The following FBXW4 variants were observed in gnomAD, a reference collection of about 807,000 sequenced individuals.
FBXW4 encodes F-box and WD repeat domain containing 4, also known as F-box/WD repeat-containing protein 4.
A neutral mutation model predicts 61.8 loss-of-function variants in FBXW4; 40 were observed. The ratio of observed to expected loss-of-function variants is 0.65; its 90% CI spans 0.50 to 0.84. The LOEUF (loss-of-function observed/expected upper bound fraction) is 0.84, where lower values mean the gene tolerates loss of function less well. Among genes scored for constraint, FBXW4 ranks in the 40% least tolerant of loss-of-function variants. The pLI is 0.00. For synonymous variants in FBXW4, 311 were observed against 313.8 expected (o/e 0.99, Z 0.10); for missense variants, 672 against 753.8 (o/e 0.89, Z 1.27).
rs536838199 is a variant in FBXW4, at chr10:101,658,331, G to A, written c.1235+9555C>T. Reference sequence around the variant, plus strand: ...GGAGGCCAAGGCAGGTGGATCATAAGGTCAGGAGTTCAAGACCAGCCTGCC... The same window carrying A: ...GGAGGCCAAGGCAGGTGGATCATAAAGTCAGGAGTTCAAGACCAGCCTGCC... On this transcript the variant is annotated intron_variant, in intron 5 of 8. Transcript: ENST00000331272. 5.3e-5 allele frequency among the ~76,000 whole-genome samples: 8 copies of A among 152,288 alleles called. No individual in the cohort carries two copies. In the South Asian group the frequency reaches 1.7e-3, roughly 32 times the overall value.
At chr10:101,636,188 A>G (rs1433777203) in intron 5 of FBXW4, among the ~76,000 whole-genome samples, 3 of 151,974 alleles carry the variant, frequency 2.0e-5, no homozygotes, top group Admixed American at 2.0e-4. Flanking sequence ...CATCTCTGCT[A>G]AAAATACAAA....
Position 101,661,194 on chromosome 10 carries a change from C to T in FBXW4, c.1235+6692G>A, listed in dbSNP as rs79857000. On this transcript the variant is annotated intron_variant, in intron 5 of 8. Transcript: ENST00000331272. ...ACTTGTAGGGTTTCATGTAAGTCGG[C>T]TCTTGACAAGTGGGCCAATCGTGCT... Among the ~76,000 whole-genome samples, 16 of 152,272 alleles carry T rather than the reference C, an allele frequency of 1.1e-4. 1 individual carries two copies. In the East Asian group the frequency reaches 2.9e-3, roughly 28 times the overall value.
At chr10:101,693,106 C>A (rs760234375) in intron 1 of FBXW4, among the ~76,000 whole-genome samples, 2 of 152,118 alleles carry the variant, frequency 1.3e-5, no homozygotes, top group African/African-American at 4.8e-5. Context: ...AAAAGAGATG[C>A]AAAATAACAC....
intron 5 of FBXW4, among the ~76,000 whole-genome samples, chr10:101,635,847 A>C (rs1053488794): frequency 1.3e-5 from 2 of 151,332 alleles, no homozygotes; most frequent in African/African-American, 2.4e-5. Context: ...TCTCAGAAAA[A>C]AAAAAAAAAA....
chr10:101,642,779 C>G (rs2064064827), intron 5 of FBXW4, among the ~76,000 whole-genome samples: 1 of 152,220 alleles, frequency 6.6e-6, no homozygotes, highest in African/African-American at 2.4e-5. Flanking sequence ...TCATGAGCCA[C>G]AGGGGAGCAC....
chr10:101,677,786 TAA>T (rs60895988), intron 1 of FBXW4, among the ~76,000 whole-genome samples: 15 of 127,880 alleles, frequency 1.2e-4, no homozygotes, highest in Admixed American at 2.4e-4. Context: ...ACTCCCTCTC[TAA>T]AAAAAAAAAA....
chr10:101,677,372 A>G (rs942821316), intron 1 of FBXW4, among the ~76,000 whole-genome samples: 2 of 152,192 alleles, frequency 1.3e-5, no homozygotes, highest in Admixed American at 6.5e-5. Context: ...ACACAACATA[A>G]TGTGGATGAA....
intron 2 of FBXW4, among the ~76,000 whole-genome samples, chr10:101,676,126 TA>T (rs918210600): frequency 6.6e-5 from 10 of 152,232 alleles, no homozygotes; most frequent in Admixed American, 6.5e-4. Flanking sequence ...TTTATAATCA[TA>T]AAAAAAGTCA....
At chr10:101,662,953 A>T (rs371693826) in intron 5 of FBXW4, among the ~76,000 whole-genome samples, 1 of 152,156 alleles carries the variant, frequency 6.6e-6, no homozygotes, top group East Asian at 1.9e-4. Context: ...TCTGGCCTTC[A>T]GGAAGAGAGA....
intron 6 of FBXW4, among the ~76,000 whole-genome samples, chr10:101,612,811 T>TCACATG (rs909200000): frequency 1.1e-4 from 17 of 151,776 alleles, no homozygotes; most frequent in African/African-American, 3.9e-4. Context: ...CCCCTCACAT[T>TCACATG]CACATGCACA....
At chr10:101,681,388 C>CA (rs769305940) in intron 1 of FBXW4, among the ~76,000 whole-genome samples, 72 of 134,192 alleles carry the variant, frequency 5.4e-4, no homozygotes, top group South Asian at 4.3e-3. Context: ...AACTCCGTCT[C>CA]AAAAAAAAAA....
rs568022729 is a variant in FBXW4 at position 101,694,049 on chromosome 10, G to A, written c.725+332C>T. On this transcript the variant is annotated intron_variant, in intron 1 of 8. Transcript: ENST00000331272. The surrounding 1 kb of genome is among the most constrained non-coding windows in gnomAD (Gnocchi z 6.0). ...CACCGTACCAGACTGGCTCCTCTGG[G>A]GCGAAGGAACCGGGGCAGCTAAACC... 4.3e-4 allele frequency among the ~76,000 whole-genome samples: 66 copies of A among 152,286 alleles called. No individual in the cohort carries two copies. Among genetic ancestry groups the A allele is most frequent in the Non-Finnish European group, 7.6e-4 (52 of 68,014 alleles).
chr10:101,620,030 C>A (rs1019502537), intron 6 of FBXW4, among the ~76,000 whole-genome samples: 1 of 152,152 alleles, frequency 6.6e-6, no homozygotes, highest in Non-Finnish European at 1.5e-5. Context: ...CAGGGTATAG[C>A]AATGCTTAGG....
chr10:101,659,225 C>T (rs2134872221), intron 5 of FBXW4, among the ~76,000 whole-genome samples: 1 of 152,290 alleles, frequency 6.6e-6, no homozygotes, highest in South Asian at 2.1e-4. Flanking sequence ...CCCTCACTCC[C>T]CTTCGGCAAG....
chr10:101,618,220 C>G (rs2063840671), intron 6 of FBXW4, among the ~76,000 whole-genome samples: 1 of 152,228 alleles, frequency 6.6e-6, no homozygotes, highest in Admixed American at 6.5e-5. Context: ...AAGGTCAGTT[C>G]CCAGCTCAGA....
intron 6 of FBXW4, among the ~76,000 whole-genome samples, chr10:101,621,749 A>G (rs1294112670): frequency 6.6e-6 from 1 of 152,238 alleles, no homozygotes; most frequent in Non-Finnish European, 1.5e-5. Flanking sequence ...CCCAGATCAC[A>G]GCAAGAGGCA....
intron 1 of FBXW4, among the ~76,000 whole-genome samples, chr10:101,693,466 T>C (rs1023833225): frequency 9.2e-5 from 14 of 152,238 alleles, no homozygotes; most frequent in African/African-American, 3.4e-4. Flanking sequence ...GTACCTATTC[T>C]GTTAGGATCA....
intron 5 of FBXW4, among the ~76,000 whole-genome samples, chr10:101,665,701 T>G (rs1348251267): frequency 2.6e-5 from 4 of 152,190 alleles, no homozygotes; most frequent in Non-Finnish European, 5.9e-5. Context: ...TACTGTAATC[T>G]TAAATGCTTC....
chr10:101,627,863 C>T (rs908346909), intron 5 of FBXW4: 32 of 678,938 alleles, frequency 4.7e-5, no homozygotes, highest in Middle Eastern at 7.5e-4. Context: ...TTGAGACTCA[C>T]GGGATAAAGT....
Sources: gnomAD v4.1 joint callset for allele counts (sites outside exome capture counted in the v4.1 genomes callset) on GRCh38, gnomAD v4.1.1 for gene constraint, Gnocchi (gnomAD v3.1) non-coding constraint, MANE v1.5 for transcripts, NCBI Gene and HGNC (gene_info 2026-07-23, HGNC 2026-07-21) for gene names.